The following LHFPL3 variants were observed in gnomAD, a reference collection of about 807,000 sequenced individuals.
LHFPL3 encodes the protein LHFPL tetraspan subfamily member 3.
In LHFPL3, 5 loss-of-function variants were observed where a neutral mutation model predicts 19.3. The observed-to-expected ratio is 0.26, with a 90% confidence interval of 0.14 to 0.54. The LOEUF (loss-of-function observed/expected upper bound fraction) is 0.54, where lower values mean the gene tolerates loss of function less well. LHFPL3 is among the 20% of genes least tolerant of loss of function. The pLI is 0.94. For synonymous variants in LHFPL3, 133 were observed against 126.2 expected (o/e 1.05, Z -0.36); for missense variants, 249 against 307.4 (o/e 0.81, Z 1.42).
chr7:104,349,231 C>T (rs1384194258), intron 1 of LHFPL3, among the ~76,000 whole-genome samples: 1 of 152,148 alleles, frequency 6.6e-6, no homozygotes, highest in Non-Finnish European at 1.5e-5. Context: ...CATCAATTTG[C>T]TGCTTTGCAG....
At chr7:104,554,683 AT>A (rs1794728750) in intron 1 of LHFPL3, among the ~76,000 whole-genome samples, 1 of 143,550 alleles carries the variant, frequency 7.0e-6, no homozygotes, top group East Asian at 2.0e-4. Context: ...AGATAGATAG[AT>A]AGATAGACAG....
At chr7:104,804,829 T>C (rs1790323730) in intron 2 of LHFPL3, among the ~76,000 whole-genome samples, 1 of 152,202 alleles carries the variant, frequency 6.6e-6, no homozygotes, top group Non-Finnish European at 1.5e-5. Flanking sequence ...TGCATTCTTG[T>C]GAGAGATATT....
Position 104,736,798 on chromosome 7 carries a change from A to T in LHFPL3, c.569A>T (p.Tyr190Phe), listed in dbSNP as rs1361787444. ...TLGACSVRWAYILAIIGILDA... is the reference protein window; with the variant it reads ...TLGACSVRWAFILAIIGILDA... ...GGGGCTTGCTCAGTCCGCTGGGCAT[A>T]CATCCTGGCTATTATTGGAATTTTG... The change falls in exon 2 of 3, where the codon TAC becomes TTC. Residue 190 changes from tyrosine to phenylalanine, a missense_variant. Tyr to Phe is a conservative substitution (Grantham distance 22, BLOSUM62 3). Transcript: ENST00000424859. 1 of 1,613,578 alleles carries T rather than the reference A, an allele frequency of 6.2e-7. No individual in the cohort carries two copies. Among genetic ancestry groups the T allele is most frequent in the East Asian group, 2.2e-5 (1 of 44,856 alleles).
chr7:104,691,741 A>G (rs939577426), intron 1 of LHFPL3, among the ~76,000 whole-genome samples: 7 of 152,262 alleles, frequency 4.6e-5, no homozygotes, highest in African/African-American at 1.4e-4. Flanking sequence ...TTTCTATCCC[A>G]TGTGAGTGCC....
chr7:104,734,194 A>G (rs1166836999), intron 1 of LHFPL3, among the ~76,000 whole-genome samples: 1 of 152,104 alleles, frequency 6.6e-6, no homozygotes, highest in East Asian at 1.9e-4. Flanking sequence ...ACAATTATGT[A>G]TCTTGGAGTT....
intron 1 of LHFPL3, chr7:104,470,136 G>T (rs75804341): frequency 0.052 from 23,588 of 451,834 alleles, 1,015 homozygotes; most frequent in African/African-American, 0.17. Flanking sequence ...GAAGAACATG[G>T]GTGTTGTTGG....
intron 2 of LHFPL3, among the ~76,000 whole-genome samples, chr7:104,819,851 CAG>C (rs1489421546): frequency 6.6e-6 from 1 of 152,166 alleles, no homozygotes; most frequent in African/African-American, 2.4e-5. Flanking sequence ...TCAAATTTTA[CAG>C]AGACACACAT....
At chr7:104,732,872 G>T (rs971641483) in intron 1 of LHFPL3, among the ~76,000 whole-genome samples, 1 of 152,078 alleles carries the variant, frequency 6.6e-6, no homozygotes, top group Admixed American at 6.6e-5. Context: ...AGTGCTGTAA[G>T]TTTCCCTCTA....
chr7:104,350,324 G>C (rs1790149268), intron 1 of LHFPL3, among the ~76,000 whole-genome samples: 1 of 152,148 alleles, frequency 6.6e-6, no homozygotes, highest in African/African-American at 2.4e-5. Context: ...AGTTCTATTG[G>C]ACAGAACCGT....
intron 1 of LHFPL3, among the ~76,000 whole-genome samples, chr7:104,552,538 A>T (rs750566262): frequency 2.6e-5 from 4 of 152,144 alleles, no homozygotes; most frequent in Non-Finnish European, 4.4e-5. Context: ...AAAAATGGGA[A>T]GGCATCTCTT....
intron 2 of LHFPL3, among the ~76,000 whole-genome samples, chr7:104,836,430 A>AAGGCACTTATTGTCTTTGGAAGAAGCT (rs1431479477): frequency 6.6e-5 from 10 of 152,156 alleles, no homozygotes; most frequent in Non-Finnish European, 4.4e-5. Flanking sequence ...CCCATATGCT[A>AAGGCACTTATTGTCTTTGGAAGAAGCT]AGGCACTTAT....
At chr7:104,745,926 A>C (rs1361707637) in intron 2 of LHFPL3, among the ~76,000 whole-genome samples, 1 of 152,172 alleles carries the variant, frequency 6.6e-6, no homozygotes, top group African/African-American at 2.4e-5. Context: ...GTCCCCTCTC[A>C]TCTATATTGG....
intron 2 of LHFPL3, among the ~76,000 whole-genome samples, chr7:104,823,289 G>C (rs1472749087): frequency 6.6e-6 from 1 of 152,126 alleles, no homozygotes; most frequent in African/African-American, 2.4e-5. Context: ...CAGGTTCTAG[G>C]CCCAGTCCTG....
rs564011528 is a variant in LHFPL3 at position 104,623,545 on chromosome 7, G to A, written c.446-113130G>A. Among the ~76,000 whole-genome samples, 17 of 114,918 alleles carry A rather than the reference G, an allele frequency of 1.5e-4. No individual in the cohort carries two copies. The Middle Eastern group carries it at 0.013, about 91-fold the overall frequency. 75.4% of individuals were successfully genotyped at this position (114,918 alleles called of 152,430 possible). A position where few individuals can be genotyped will look rare whatever the true frequency, so the allele number is the denominator to read the frequency against. The stretch of plus-strand genomic sequence containing the variant: ...CTTGGGAGGCTGAGGCAGGAGAATC[G>A]CTTGAGCCTGGGAGGAGGAGTTTGC... On this transcript the variant is annotated intron_variant, in intron 1 of 2. Coordinates refer to ENST00000424859, the MANE Select transcript of LHFPL3 (RefSeq NM_199000.3).
intron 1 of LHFPL3, among the ~76,000 whole-genome samples, chr7:104,337,363 T>A (rs1359609097): frequency 6.6e-6 from 1 of 152,102 alleles, no homozygotes; most frequent in Non-Finnish European, 1.5e-5. Flanking sequence ...ATATCATCAA[T>A]GGCTTAAAAA....
chr7:104,801,529 T>G (rs1308675171), intron 2 of LHFPL3, among the ~76,000 whole-genome samples: 1 of 152,234 alleles, frequency 6.6e-6, no homozygotes, highest in Non-Finnish European at 1.5e-5. Flanking sequence ...ACCAAAGTTT[T>G]TTGTTGTTTT....
intron 2 of LHFPL3, among the ~76,000 whole-genome samples, chr7:104,784,994 C>A (rs2116431767): frequency 6.6e-6 from 1 of 152,244 alleles, no homozygotes; most frequent in South Asian, 2.1e-4. Context: ...ATCCATTGCA[C>A]AGCAATGTGA....
chr7:104,831,714 A>C (rs919183055), intron 2 of LHFPL3, among the ~76,000 whole-genome samples: 67 of 126,556 alleles, frequency 5.3e-4, no homozygotes, highest in Non-Finnish European at 9.8e-4. Context: ...TCACACACAC[A>C]AAAAAAAGAT....
intron 2 of LHFPL3, among the ~76,000 whole-genome samples, chr7:104,872,217 GT>G (rs1236040594): frequency 2.0e-5 from 3 of 151,526 alleles, no homozygotes; most frequent in African/African-American, 7.3e-5. Context: ...CATGCTTGTA[GT>G]TCCAGCTACT....
Sources: gnomAD v4.1 joint callset for allele counts (sites outside exome capture counted in the v4.1 genomes callset) on GRCh38, gnomAD v4.1.1 for gene constraint, MANE v1.5 for transcripts, NCBI Gene and HGNC (gene_info 2026-07-23, HGNC 2026-07-21) for gene names.